DICER1: variants seen among roughly 807,000 people sequenced by gnomAD.
The protein encoded by DICER1 is endoribonuclease Dicer.
A neutral mutation model predicts 194.1 loss-of-function variants in DICER1; 43 were observed. The ratio of observed to expected loss-of-function variants is 0.22; its 90% confidence interval spans 0.17 to 0.29. The LOEUF (loss-of-function observed/expected upper bound fraction) is 0.29. Ranked by LOEUF, DICER1 falls within the 10% of genes least tolerant of loss-of-function variation. The pLI is 1.00. For synonymous variants in DICER1, 832 were observed against 820.5 expected (o/e 1.01, Z -0.24); for missense variants, 1,608 against 2,317.0 (o/e 0.69, Z 6.28).
chr14:95,125,563 G>A (rs536462667), intron 7 of DICER1, among the ~76,000 whole-genome samples: 18 of 78,634 alleles, frequency 2.3e-4, no homozygotes, highest in Non-Finnish European at 3.0e-4. Flanking sequence ...GGGGGAGGGA[G>A]AGGGGAAAGG....
At chr14:95,122,245 A>G (rs966033729) in intron 8 of DICER1, among the ~76,000 whole-genome samples, 1 of 152,198 alleles carries the variant, frequency 6.6e-6, no homozygotes, top group African/African-American at 2.4e-5. Flanking sequence ...TATTCCTGCA[A>G]TAAAAACTGG....
rs1555370277 is a variant in DICER1, at chr14:95,106,079, G to A, written c.2949C>T (p.Leu983=). Residue 983 remains leucine, a synonymous_variant, in exon 18 of 27, where the codon CTC becomes CTT. Transcript: ENST00000343455. The stretch of plus-strand genomic sequence containing the variant: ...GGTCCACATCCAGCAGTGGCTGGTT[G>A]AGATTGGTTAGGTCAAGGTTGTACT... ...KTKYNLDLTN[L]NQPLLDVDHT... 6 of 1,614,194 alleles carry A rather than the reference G, an allele frequency of 3.7e-6. No individual in the cohort carries two copies. Among genetic ancestry groups the A allele is most frequent in the Non-Finnish European group, 5.1e-6 (6 of 1,180,024 alleles).
At position 95,116,707 on chromosome 14, in the gene DICER1, A is replaced by T. The variant is rs772360266; in HGVS notation, c.1510-12T>A. 18 of 1,613,522 alleles carry T rather than the reference A, an allele frequency of 1.1e-5. No individual in the cohort carries two copies. The highest frequency in any genetic ancestry group is 1.5e-5 in the Non-Finnish European group (18 of 1,179,732). On this transcript the variant is annotated splice_polypyrimidine_tract_variant and intron_variant, in intron 9 of 26. Coordinates refer to ENST00000343455, the MANE Select transcript of DICER1 (RefSeq NM_177438.3). ...AATTTCCTAAGTACCTGAAAAAAAA[A>T]ATCCACCAAGAAAAGCACTTCTAAG... is the stretch of plus-strand genomic sequence containing the variant.
Position 95,093,816 on chromosome 14 carries a change from C to T in DICER1, c.5364+72G>A, listed in dbSNP as rs376228874. 5.4e-5 allele frequency: 82 copies of T among 1,522,634 alleles called. No homozygotes were observed. In the Admixed American group the frequency reaches 7.3e-4, roughly 14 times the overall value. The allele number at this position is 1,522,634 out of a possible 1,614,324, so 94.3% of individuals were successfully genotyped here. Reference sequence around the variant, plus strand: ...CTGCTGTCCCTTTAGACCACTATGCCGTCAGAACTCTGAAACTACAGAGAC... The same window carrying T: ...CTGCTGTCCCTTTAGACCACTATGCTGTCAGAACTCTGAAACTACAGAGAC... On this transcript the variant is annotated intron_variant, in intron 24 of 26. Coordinates refer to ENST00000343455, the MANE Select transcript of DICER1 (RefSeq NM_177438.3).
chr14:95,117,486 A>G, intron 9 of DICER1, 136 bp downstream of exon 9: 1 of 914,410 alleles, frequency 1.1e-6, no homozygotes, highest in Non-Finnish European at 1.7e-6. Context: ...AGCTGGTCTA[A>G]TATATGAAGA....
chr14:95,126,746 T>C lies in DICER1; in HGVS notation c.737A>G (p.Tyr246Cys), dbSNP rs775370673. The C allele has an allele frequency of 2.5e-6, 4 of 1,601,862 alleles. No individual in the cohort carries two copies. The highest frequency in any genetic ancestry group is 3.3e-4 in the Middle Eastern group (2 of 6,052). ...CACAATCTCACATGGCTGAGAAGTA[T>C]ACCTTTAACATAAGAAACAAAAGGT... is the stretch of plus-strand genomic sequence containing the variant. ...TATDLVVLDR[Y>C]TSQPCEIVVD... The change falls in exon 7 of 27, where the codon TAT becomes TGT. Residue 246 changes from tyrosine (Y) to cysteine (C), a missense_variant and splice_region_variant. By Grantham distance (194) the Tyr-to-Cys change is radical (BLOSUM62 -2). This residue lies in a region of DICER1 where 657 missense variants were observed against 910.1 expected (regional missense o/e 0.72). Coordinates refer to ENST00000343455, the MANE Select transcript of DICER1 (RefSeq NM_177438.3).
rs137852979 is a variant in DICER1, at chr14:95,116,575, G to T, written c.1630C>A (p.Arg544=). The T allele has an allele frequency of 6.2e-7, 1 of 1,613,574 alleles. No individual in the cohort carries two copies. Among genetic ancestry groups the T allele is most frequent in the African/African-American group, 1.3e-5 (1 of 74,748 alleles). The stretch of plus-strand genomic sequence containing the variant: ...CTTCCTTTAGATTGAACATAGGATC[G>T]ATATTCTGTGGGCAAATCAAAACGA... The part of the protein sequence containing the change: ...VVRFDLPTEY[R]SYVQSKGRAR... Residue 544 remains arginine (R), a synonymous_variant, in exon 10 of 27, where the codon CGA becomes AGA. Transcript: ENST00000343455.
intron 1 of DICER1, among the ~76,000 whole-genome samples, chr14:95,152,536 C>G (rs1345022297): frequency 6.6e-6 from 1 of 152,138 alleles, no homozygotes; most frequent in Non-Finnish European, 1.5e-5. Flanking sequence ...AACCTTAACA[C>G]AACCAAGAAC....
Position 95,103,409 on chromosome 14 carries a change from T to A in DICER1, c.3987A>T (p.Thr1329=). ...CATCAGGGTAAGTGCAAAATAGATA[T>A]GTGGTGATGGCATGCTTTAAAAAGG... ...GDSFLKHAIT[T]YLFCTYPDAH... The change falls in exon 21 of 27, where the codon ACA becomes ACT. Residue 1329 remains threonine, a synonymous_variant. Coordinates refer to ENST00000343455, the MANE Select transcript of DICER1 (RefSeq NM_177438.3). 2 of 1,614,182 alleles carry A rather than the reference T, an allele frequency of 1.2e-6. No homozygotes were observed. Among genetic ancestry groups the A allele is most frequent in the Non-Finnish European group, 1.7e-6 (2 of 1,180,032 alleles).
chr14:95,098,067 GC>G (rs1301724591), intron 22 of DICER1, among the ~76,000 whole-genome samples: 1 of 151,954 alleles, frequency 6.6e-6, no homozygotes, highest in Non-Finnish European at 1.5e-5. Context: ...TTAGAAAGGT[GC>G]CACCATAAGC....
intron 1 of DICER1, among the ~76,000 whole-genome samples, chr14:95,155,771 A>G (rs1895813663): frequency 1.3e-5 from 2 of 152,226 alleles, no homozygotes; most frequent in Non-Finnish European, 2.9e-5. Context: ...TGTTACCATG[A>G]TCAATGTTTA....
At chr14:95,135,893 G>C (rs1325672284) in intron 1 of DICER1, among the ~76,000 whole-genome samples, 1 of 152,096 alleles carries the variant, frequency 6.6e-6, no homozygotes, top group South Asian at 2.1e-4. Context: ...CATTCATAAA[G>C]GACATTATTG....
intron 22 of DICER1, among the ~76,000 whole-genome samples, chr14:95,097,330 A>C (rs1319150262): frequency 6.6e-6 from 1 of 152,236 alleles, no homozygotes; most frequent in Non-Finnish European, 1.5e-5. Context: ...TTCCTTAAAA[A>C]ATAAAAGTGA....
chr14:95,139,219 A>C (rs1015180580), intron 1 of DICER1, among the ~76,000 whole-genome samples: 7 of 152,232 alleles, frequency 4.6e-5, no homozygotes, highest in African/African-American at 1.7e-4. Context: ...GTCTTAATCC[A>C]TAAAATGTAC....
chr14:95,117,891 C>T, intron 8 of DICER1, 137 bp from the exon 9 acceptor site: 2 of 769,984 alleles, frequency 2.6e-6, no homozygotes, highest in South Asian at 1.7e-5. Flanking sequence ...TCCTTTTTTC[C>T]CAACTTGCTT....
intron 12 of DICER1, 111 bp downstream of exon 12, chr14:95,112,981 A>T: frequency 8.5e-7 from 1 of 1,182,482 alleles, no homozygotes; most frequent in African/African-American, 1.5e-5. Flanking sequence ...TGCTCATGAA[A>T]GTAGATTTTA....
rs1889343032 is a variant in DICER1, at chr14:95,086,460, A to G, written c.*4038T>C. 4.3e-6 allele frequency: 1 copy of G among 233,360 alleles called. No individual in the cohort carries two copies. Among genetic ancestry groups the G allele is most frequent in the Non-Finnish European group, 8.5e-6 (1 of 117,890 alleles). The allele number at this position is 233,360 out of a possible 1,614,324, so 14.5% of individuals were successfully genotyped here. A position where few individuals can be genotyped will look rare whatever the true frequency, so the allele number is the denominator to read the frequency against. On this transcript the variant is annotated 3_prime_UTR_variant, in exon 27 of 27. Transcript: ENST00000343455. ...TACTTGATTTTAGTAATTTTCCTTC[A>G]CTATTTACAGCAGAAAAGCCAGAAA...
At chr14:95,153,467 G>GA (rs1433917987) in intron 1 of DICER1, among the ~76,000 whole-genome samples, 5 of 152,142 alleles carry the variant, frequency 3.3e-5, no homozygotes, top group Admixed American at 2.0e-4. Context: ...AATGGCATGT[G>GA]AAAAAATGTT....
chr14:95,106,522 A>G (rs1397938592), intron 17 of DICER1, among the ~76,000 whole-genome samples: 1 of 152,176 alleles, frequency 6.6e-6, no homozygotes, highest in Non-Finnish European at 1.5e-5. Context: ...TATAAATAGT[A>G]TAAAAAATTT....
Sources: gnomAD v4.1 joint callset for allele counts (sites outside exome capture counted in the v4.1 genomes callset) on GRCh38, gnomAD v4.1.1 for gene constraint, gnomAD v4.1.1 regional missense constraint, MANE v1.5 for transcripts, NCBI Gene and HGNC (gene_info 2026-07-23, HGNC 2026-07-21) for gene names.